PCLO: variants seen among roughly 807,000 people sequenced by gnomAD.
The protein encoded by PCLO is protein piccolo.
PCLO carries 82 observed loss-of-function variants against 427.5 expected under a neutral mutation model. That is an observed-to-expected ratio of 0.19 (90% CI 0.16 to 0.23). The LOEUF (loss-of-function observed/expected upper bound fraction) is 0.23. Among genes scored for constraint, PCLO ranks in the 10% least tolerant of loss-of-function variants. The pLI, the probability that PCLO is intolerant of heterozygous loss-of-function variation, is 1.00. For missense variants in PCLO, 6,239 were observed against 6,115.9 expected (o/e 1.02, Z -0.67); for synonymous variants, 2,357 against 2,155.4 (o/e 1.09, Z -2.59).
At chr7:82,969,058 A>C (rs1406261750) in intron 3 of PCLO, among the ~76,000 whole-genome samples, 1 of 152,140 alleles carries the variant, frequency 6.6e-6, no homozygotes, top group Non-Finnish European at 1.5e-5. Flanking sequence ...GACAGGGACA[A>C]ATTATTCTTA....
Position 82,761,428 on chromosome 7 carries a change from G to T in PCLO, c.15073C>A (p.Gln5025Lys), listed in dbSNP as rs760860025. ...LKKEMKTDGE[Q>K]LIVEILQCRN... ...CATTGGAGAATTTCAACTATTAGTT[G>T]TTCACCATCTGTCTTCATTTCCTTC... Residue 5025 changes from glutamine (Q) to lysine (K), a missense_variant, in exon 23 of 25, where the codon CAA (glutamine) becomes AAA (lysine). By Grantham distance (53) the Gln-to-Lys change is moderately conservative (BLOSUM62 1). This residue lies in a region of PCLO where 877 missense variants were observed against 925.5 expected (regional missense o/e 0.95). Transcript: ENST00000333891. 17 of 1,579,954 alleles carry T rather than the reference G, an allele frequency of 1.1e-5. No individual in the cohort carries two copies. The highest frequency in any genetic ancestry group is 1.7e-4 in the Middle Eastern group (1 of 5,876).
intron 3 of PCLO, among the ~76,000 whole-genome samples, chr7:83,094,339 G>C (rs1426388791): frequency 6.6e-6 from 1 of 151,698 alleles, no homozygotes; most frequent in African/African-American, 2.4e-5. Flanking sequence ...TGCCCAAGTA[G>C]CTGGGACTAC....
At chr7:82,960,509 G>A (rs140926406) in intron 4 of PCLO, among the ~76,000 whole-genome samples, 1,893 of 152,292 alleles carry the variant, frequency 0.012, 27 homozygotes, top group Non-Finnish European at 0.019. Flanking sequence ...TCTATGAGGA[G>A]AGTATTTTCG....
At chr7:83,106,051 A>G (rs1790846712) in intron 3 of PCLO, among the ~76,000 whole-genome samples, 1 of 152,220 alleles carries the variant, frequency 6.6e-6, no homozygotes, top group African/African-American at 2.4e-5. Flanking sequence ...GACCCACACT[A>G]AAGAGATCGA....
In PCLO at chr7:82,879,408, C is replaced by T. The variant is rs199732601; in HGVS notation, c.13583G>A (p.Gly4528Glu). Residue 4528 changes from glycine to glutamate, a missense_variant, in exon 10 of 25, where the codon GGA becomes GAA. By Grantham distance (98) the Gly-to-Glu change is moderately conservative. Around this residue, in one of 5 missense-constraint regions of PCLO, gnomAD observed 877 missense variants for 925.5 expected, o/e 0.95. Coordinates refer to ENST00000333891, the MANE Select transcript of PCLO (RefSeq NM_033026.6). ...CTTGGCAATATAGGCTCCAATTTCT[C>T]CACTATGTCCCGGGATTTCTTTACC... The part of the protein sequence containing the change: ...VGGKEIPGHS[G>E]EIGAYIAKIL... 556 of 1,609,816 alleles carry T rather than the reference C, an allele frequency of 3.5e-4. No individual in the cohort carries two copies. The highest frequency in any genetic ancestry group is 4.3e-4 in the Admixed American group (26 of 59,836).
At chr7:82,807,797 T>C (rs1791485211) in intron 20 of PCLO, among the ~76,000 whole-genome samples, 1 of 152,008 alleles carries the variant, frequency 6.6e-6, no homozygotes, top group Admixed American at 6.6e-5. Flanking sequence ...TCCTAACTTA[T>C]AGACATCTGA....
chr7:82,891,968 G>A (rs1247626885), intron 9 of PCLO, among the ~76,000 whole-genome samples: 2 of 152,050 alleles, frequency 1.3e-5, no homozygotes, highest in African/African-American at 4.8e-5. Flanking sequence ...TCATGGGTAG[G>A]AAGAATCAAT....
rs181066378 is a variant in PCLO at position 82,981,601 on chromosome 7, A to T, written c.3301-15114T>A. ...ATTAATATTTCTTTCTTAATCCTTA[A>T]TTTTGTTTCTGTCACCTTTGCAATA... is the stretch of plus-strand genomic sequence containing the variant. On this transcript the variant is annotated intron_variant, in intron 3 of 24. Coordinates refer to ENST00000333891, the MANE Select transcript of PCLO (RefSeq NM_033026.6). 6.7e-3 allele frequency among the ~76,000 whole-genome samples: 1,013 copies of T among 152,128 alleles called. 9 individuals are homozygous for T. The highest frequency in any genetic ancestry group is 0.024 in the African/African-American group (976 of 41,508).
intron 3 of PCLO, among the ~76,000 whole-genome samples, chr7:83,014,316 T>C (rs1205389944): frequency 6.6e-6 from 1 of 152,110 alleles, no homozygotes; most frequent in Non-Finnish European, 1.5e-5. Context: ...AGCAGAAGTA[T>C]TTCTCAGTTG....
At chr7:82,908,467 T>C (rs542508971) in intron 8 of PCLO, among the ~76,000 whole-genome samples, 26 of 152,220 alleles carry the variant, frequency 1.7e-4, no homozygotes, top group Non-Finnish European at 3.8e-4. Flanking sequence ...GTTCTTTCTA[T>C]CCCAGCTCAC....
At position 82,956,541 on chromosome 7, in the gene PCLO, C is replaced by A; in HGVS notation, c.4412G>T (p.Ser1471Ile). The change falls in exon 5 of 25, where the codon AGT (serine) becomes ATT (isoleucine). Residue 1471 changes from serine to isoleucine, a missense_variant. Transcript: ENST00000333891. ...AAAAGTGTCTTTCCTTTCTTCTTGA[C>A]TCTCTTTGATCTCCTCTTCTGAAAT... ...ITISEEEIKE[S>I]QEERKDTFKK... is the part of the protein sequence containing the mutation. 1 of 1,612,570 alleles carries A rather than the reference C, an allele frequency of 6.2e-7. No individual in the cohort carries two copies. Among genetic ancestry groups the A allele is most frequent in the Non-Finnish European group, 8.5e-7 (1 of 1,179,596 alleles).
rs1235411331 is a variant in PCLO at position 83,162,395 on chromosome 7, C to G, written c.198G>C (p.Leu66=). 1 of 1,598,812 alleles carries G rather than the reference C, an allele frequency of 6.3e-7. No individual in the cohort carries two copies. Among genetic ancestry groups the G allele is most frequent in the South Asian group, 1.1e-5 (1 of 88,444 alleles). The change falls in exon 1 of 25, where the codon CTG becomes CTC. Residue 66 remains leucine (L), a synonymous_variant. Coordinates refer to ENST00000333891, the MANE Select transcript of PCLO (RefSeq NM_033026.6). ...IAAVMSRAQG[L]PKGSVPPAAA... ...CGGCCGGGGGGACGCTTCCCTTGGG[C>G]AGCCCCTGCGCCCTTGACATGACAG...
intron 20 of PCLO, chr7:82,822,096 CT>C (rs11394716): frequency 0.012 from 10,390 of 868,410 alleles, no homozygotes; most frequent in South Asian, 0.014. Context: ...TATGTGTGCA[CT>C]TTTTTTTTTT....
At chr7:82,854,141 G>T (rs1792739374) in intron 10 of PCLO, among the ~76,000 whole-genome samples, 1 of 151,918 alleles carries the variant, frequency 6.6e-6, no homozygotes, top group Non-Finnish European at 1.5e-5. Flanking sequence ...CCCTCTCAGT[G>T]GCAGTTGTCC....
At chr7:83,074,264 A>G (rs1376343815) in intron 3 of PCLO, among the ~76,000 whole-genome samples, 2 of 151,962 alleles carry the variant, frequency 1.3e-5, no homozygotes, top group African/African-American at 4.8e-5. Flanking sequence ...AAACAGAGAG[A>G]GACAAAGAGA....
chr7:82,886,017 A>G (rs1343681634), intron 9 of PCLO, among the ~76,000 whole-genome samples: 1 of 152,116 alleles, frequency 6.6e-6, no homozygotes, highest in East Asian at 1.9e-4. Flanking sequence ...TCCTTTCCCC[A>G]TTCAGTTTTA....
At chr7:82,857,007 G>C (rs534821410) in intron 10 of PCLO, among the ~76,000 whole-genome samples, 2 of 152,196 alleles carry the variant, frequency 1.3e-5, no homozygotes, top group African/African-American at 4.8e-5. Flanking sequence ...ATGCTTACTT[G>C]AAAGAGCATG....
intron 3 of PCLO, among the ~76,000 whole-genome samples, chr7:82,973,381 T>C (rs1308723781): frequency 6.6e-6 from 1 of 152,130 alleles, no homozygotes; most frequent in Non-Finnish European, 1.5e-5. Context: ...ATTGAGGTTC[T>C]TCCTCATATA....
intron 17 of PCLO, among the ~76,000 whole-genome samples, 156 bp downstream of exon 17, chr7:82,827,717 T>A (rs886144383): frequency 5.3e-5 from 8 of 152,106 alleles, no homozygotes; most frequent in Non-Finnish European, 1.2e-4. Flanking sequence ...TAAATGTCAC[T>A]CATTTTTTTC....
Sources: allele counts gnomAD v4.1 joint callset (sites outside exome capture counted in the v4.1 genomes callset), GRCh38; gene constraint gnomAD v4.1.1; regional missense constraint gnomAD v4.1.1; transcripts MANE v1.5; gene names NCBI Gene and HGNC (gene_info 2026-07-23, HGNC 2026-07-21).